Variants in IDH2 observed in about 807,000 individuals in gnomAD.
IDH2 encodes isocitrate dehydrogenase (NADP(+)) 2.
In IDH2, 18 loss-of-function variants were observed where a neutral mutation model predicts 50.5. That is an observed-to-expected ratio of 0.36 (90% CI 0.25 to 0.53). The LOEUF (loss-of-function observed/expected upper bound fraction) is 0.53. Among genes scored for constraint, IDH2 ranks in the 20% least tolerant of loss-of-function variants. The pLI is 0.92. For synonymous variants in IDH2, 280 were observed against 239.8 expected (o/e 1.17, Z -1.55); for missense variants, 518 against 610.7 (o/e 0.85, Z 1.60).
At chr15:90,088,069 G>A (rs569609472) in intron 5 of IDH2, among the ~76,000 whole-genome samples, 4 of 151,940 alleles carry the variant, frequency 2.6e-5, no homozygotes, top group Admixed American at 1.3e-4. Flanking sequence ...AGTACGCCTG[G>A]AGCTGCTCGT....
chr15:90,098,561 T>TGTA lies in IDH2; in HGVS notation c.115+3714_115+3715insTAC, dbSNP rs35007981. ...ATGTATGTATGTATGTATGTATGTA[T>TGTA]TGAGACAGAGTCTCACTCTGTCGCC... is the stretch of plus-strand genomic sequence containing the variant. On this transcript the variant is annotated intron_variant, in intron 1 of 10. Coordinates refer to ENST00000330062, the MANE Select transcript of IDH2 (RefSeq NM_002168.4). This position sits in a 1 kb window ranked among gnomAD's most constrained non-coding sequence, Gnocchi z 5.1. Among the ~76,000 whole-genome samples, 9,330 of 152,046 alleles carry TGTA rather than the reference T, an allele frequency of 0.061. 383 individuals carry two copies. Among genetic ancestry groups the TGTA allele is most frequent in the Non-Finnish European group, 0.083 (5,659 of 67,938 alleles).
chr15:90,096,446 A>C (rs1356791011), intron 1 of IDH2, among the ~76,000 whole-genome samples: 1 of 152,124 alleles, frequency 6.6e-6, no homozygotes, highest in Non-Finnish European at 1.5e-5. Context: ...ATGAGATATC[A>C]CCCCACTATC....
chr15:90,093,605 A>T (rs559415010), intron 1 of IDH2, among the ~76,000 whole-genome samples: 48 of 129,158 alleles, frequency 3.7e-4, no homozygotes, highest in Admixed American at 3.1e-3. Flanking sequence ...TTATTTAATT[A>T]ATTAATTTAT....
In IDH2 at chr15:90,084,398, G is replaced by C. The variant is rs765034363; in HGVS notation, c.1272-45C>G. Reference sequence around the variant, plus strand: ...CACATCAGGGGTGGCTCCAGGCCTTGCCAAGGCCATCAGCCAGGCCCTTCC... The same window carrying C: ...CACATCAGGGGTGGCTCCAGGCCTTCCCAAGGCCATCAGCCAGGCCCTTCC... On this transcript the variant is annotated intron_variant, in intron 10 of 10. Transcript: ENST00000330062. This position sits in a 1 kb window ranked among gnomAD's most constrained non-coding sequence, Gnocchi z 5.0. 34 of 1,556,594 alleles carry C rather than the reference G, an allele frequency of 2.2e-5. No homozygotes were observed. The highest frequency in any genetic ancestry group is 2.9e-5 in the Non-Finnish European group (33 of 1,134,394).
rs1371320213 is a variant in IDH2 at position 90,102,307 on chromosome 15, G to T, written c.84C>A (p.Ala28=). ...RPAWAPAALT[A]PTSQEQPRRH... ...GCCGCGGCTGCTCTTGCGAGGTGGG[G>T]GCTGTCAGGGCCGCCGGCGCCCAGG... The change falls in exon 1 of 11, where the codon GCC becomes GCA. Residue 28 remains alanine, a synonymous_variant. Coordinates refer to ENST00000330062, the MANE Select transcript of IDH2 (RefSeq NM_002168.4). The T allele has an allele frequency of 1.5e-6, 2 of 1,354,948 alleles. No homozygotes were observed. The highest frequency in any genetic ancestry group is 1.9e-6 in the Non-Finnish European group (2 of 1,042,766). 83.9% of individuals were successfully genotyped at this position (1,354,948 alleles called of 1,614,324 possible). A position where few individuals can be genotyped will look rare whatever the true frequency, so the allele number is the denominator to read the frequency against.
At chr15:90,089,584 C>T (rs1334448909) in intron 3 of IDH2, among the ~76,000 whole-genome samples, 2 of 152,214 alleles carry the variant, frequency 1.3e-5, no homozygotes, top group Non-Finnish European at 1.5e-5. Context: ...GAGCTCAACA[C>T]TCAAATGATC....
rs966296944 is a variant in IDH2 at position 90,100,104 on chromosome 15, T to G, written c.115+2172A>C. On this transcript the variant is annotated intron_variant, in intron 1 of 10. Coordinates refer to ENST00000330062, the MANE Select transcript of IDH2 (RefSeq NM_002168.4). This position sits in a 1 kb window ranked among gnomAD's most constrained non-coding sequence, Gnocchi z 4.1. ...GTTCTTACCAGCAGCCTGCACCAGATGTACACGGGTGGCATCTCTCTCCAG... is the reference window on the plus strand; with the variant it reads ...GTTCTTACCAGCAGCCTGCACCAGAGGTACACGGGTGGCATCTCTCTCCAG... Among the ~76,000 whole-genome samples the G allele has an allele frequency of 1.3e-5, 2 of 152,170 alleles. No individual in the cohort carries two copies. Among genetic ancestry groups the G allele is most frequent in the East Asian group, 3.8e-4 (2 of 5,204 alleles).
chr15:90,088,687 C>A lies in IDH2; in HGVS notation c.434G>T (p.Gly145Val), dbSNP rs1567254879. 1.9e-6 allele frequency: 3 copies of A among 1,613,974 alleles called. No individual in the cohort carries two copies. The highest frequency in any genetic ancestry group is 2.5e-6 in the Non-Finnish European group (3 of 1,179,986). Residue 145 changes from glycine to valine, a missense_variant, in exon 4 of 11, where the codon GGG becomes GTG. By Grantham distance (109) the Gly-to-Val change is moderately radical. Around this residue, in one of 5 missense-constraint regions of IDH2, gnomAD observed 207 missense variants for 208.6 expected, o/e 0.99. Transcript: ENST00000330062. ...GATGATGGGCTCCCGGAAGACAGTC[C>A]CCCCCAGGATGTTCCGGATAGTTCC... ...PNGTIRNILG[G>V]TVFREPIICK...
In IDH2 at chr15:90,092,550, C is replaced by T. The variant is rs139288539; in HGVS notation, c.116-906G>A. 4.0e-3 allele frequency among the ~76,000 whole-genome samples: 611 copies of T among 151,852 alleles called. 5 individuals are homozygous for T. The highest frequency in any genetic ancestry group is 0.014 in the African/African-American group (578 of 41,326). On this transcript the variant is annotated intron_variant, in intron 1 of 10. Coordinates refer to ENST00000330062, the MANE Select transcript of IDH2 (RefSeq NM_002168.4). ...CCTCCCAAGTAGCTGGGACTACAGG[C>T]GCATGCCACCACACCCAGCTATTTT... is the stretch of plus-strand genomic sequence containing the variant.
rs990532894 is a variant in IDH2 at position 90,102,464 on chromosome 15, G to T, written c.-74C>A. 14 of 858,690 alleles carry T rather than the reference G, an allele frequency of 1.6e-5. No homozygotes were observed. Among genetic ancestry groups the T allele is most frequent in the Non-Finnish European group, 2.0e-5 (13 of 659,366 alleles). 53.2% of individuals were successfully genotyped at this position (858,690 alleles called of 1,614,324 possible). ...CCGCTCCTCCCGGCTGCCTGGCCGC[G>T]GGCTAACGCTGGGCCTGGCGGGCGC... On this transcript the variant is annotated 5_prime_UTR_variant, in exon 1 of 11. Transcript: ENST00000330062.
chr15:90,084,459 T>C lies in IDH2; in HGVS notation c.1272-106A>G, dbSNP rs1900804741. On this transcript the variant is annotated intron_variant, in intron 10 of 10. Transcript: ENST00000330062. This position sits in a 1 kb window ranked among gnomAD's most constrained non-coding sequence, Gnocchi z 5.0. Reference sequence around the variant, plus strand: ...CTGAGCTTGGGCATCAGAACAGCCATCTCCTGCCACCCAGACTACAGGCCA... The same window carrying C: ...CTGAGCTTGGGCATCAGAACAGCCACCTCCTGCCACCCAGACTACAGGCCA... The C allele has an allele frequency of 2.0e-6, 2 of 1,011,720 alleles. No homozygotes were observed. The highest frequency in any genetic ancestry group is 3.0e-6 in the Non-Finnish European group (2 of 662,368). 62.7% of individuals were successfully genotyped at this position (1,011,720 alleles called of 1,614,324 possible). A position where few individuals can be genotyped will look rare whatever the true frequency, so the allele number is the denominator to read the frequency against.
chr15:90,091,244 C>G (rs1200873425), intron 2 of IDH2, among the ~76,000 whole-genome samples: 1 of 152,188 alleles, frequency 6.6e-6, no homozygotes, highest in African/African-American at 2.4e-5. Flanking sequence ...AGAAGTGAGG[C>G]AAAACGTAGG....
rs1412045166 is a variant in IDH2, at chr15:90,088,424, T to C, written c.613A>G (p.Lys205Glu). 4.3e-6 allele frequency: 7 copies of C among 1,614,102 alleles called. No homozygotes were observed. Among genetic ancestry groups the C allele is most frequent in the Non-Finnish European group, 5.9e-6 (7 of 1,180,056 alleles). Reference protein sequence around the residue: ...VFTPKDGSGVKEWEVYNFPAG... With the variant: ...VFTPKDGSGVEEWEVYNFPAG... ...GGGAAGTTGTACACTTCCCACTCCT[T>C]GACACCACTGCCATCTTTTGGGGTG... The change falls in exon 5 of 11, where the codon AAG (lysine) becomes GAG (glutamate). Residue 205 changes from lysine (K) to glutamate (E), a missense_variant. This residue lies in a region of IDH2 where 207 missense variants were observed against 208.6 expected (regional missense o/e 0.99). Coordinates refer to ENST00000330062, the MANE Select transcript of IDH2 (RefSeq NM_002168.4).
Position 90,084,122 on chromosome 15 carries a change from C to T in IDH2, c.*144G>A, listed in dbSNP as rs114227266. 8.2e-4 allele frequency: 552 copies of T among 671,986 alleles called. 3 individuals carry two copies. In the African/African-American group the frequency reaches 8.8e-3, roughly 11 times the overall value. 41.6% of individuals were successfully genotyped at this position (671,986 alleles called of 1,614,324 possible). A position where few individuals can be genotyped will look rare whatever the true frequency, so the allele number is the denominator to read the frequency against. On this transcript the variant is annotated 3_prime_UTR_variant, in exon 11 of 11. Transcript: ENST00000330062. The surrounding 1 kb of genome is among the most constrained non-coding windows in gnomAD (Gnocchi z 5.0). ...CACCATGAGGGGAAACACACATATG[C>T]TTTTAAAAACATCTGGCTTATAAAA...
At position 90,085,000 on chromosome 15, in the gene IDH2, C is replaced by T. The variant is rs1314825460; in HGVS notation, c.1178+1G>A. On this transcript the variant is annotated splice_donor_variant, in intron 9 of 10. Coordinates refer to ENST00000330062, the MANE Select transcript of IDH2 (RefSeq NM_002168.4). LOFTEE classifies it high-confidence loss of function. The surrounding 1 kb of genome is among the most constrained non-coding windows in gnomAD (Gnocchi z 5.0). ...GCTCCGGCCTCTCCCTCCATGCTCA[C>T]CTGATGAGGTCTTGGTTCCCATCCA... The T allele has an allele frequency of 6.2e-7, 1 of 1,613,862 alleles. No homozygotes were observed. The highest frequency in any genetic ancestry group is 1.1e-5 in the South Asian group (1 of 91,084).
chr15:90,098,161 A>C lies in IDH2; in HGVS notation c.115+4115T>G, dbSNP rs894342117. Among the ~76,000 whole-genome samples the C allele has an allele frequency of 1.3e-5, 2 of 152,220 alleles. No individual in the cohort carries two copies. The highest frequency in any genetic ancestry group is 4.8e-5 in the African/African-American group (2 of 41,444). On this transcript the variant is annotated intron_variant, in intron 1 of 10. Coordinates refer to ENST00000330062, the MANE Select transcript of IDH2 (RefSeq NM_002168.4). The surrounding 1 kb of genome is among the most constrained non-coding windows in gnomAD (Gnocchi z 5.1). ...GACAGCCACCACGAATCTTCAGCTG[A>C]TGCATTGCACAAACACTGTCCTCTT...
chr15:90,090,085 TTCC>T (rs61447158), intron 3 of IDH2, among the ~76,000 whole-genome samples: 111,596 of 151,358 alleles, frequency 0.74, 41,886 homozygotes, highest in African/African-American at 0.83. Flanking sequence ...CAGCATTACC[TTCC>T]TCCTCCTCCT....
At chr15:90,090,773 T>C in intron 2 of IDH2, 129 bp from the exon 3 acceptor site, 1 of 954,832 alleles carries the variant, frequency 1.0e-6, no homozygotes, top group Non-Finnish European at 1.7e-6. Flanking sequence ...TGAAGGCCAG[T>C]GGAGGGGCGC....
At chr15:90,091,457 G>T in intron 2 of IDH2, 96 bp downstream of exon 2, 1 of 903,316 alleles carries the variant, frequency 1.1e-6, no homozygotes. Flanking sequence ...GACAACGGGG[G>T]GGTCCTAGGG....
Sources: gnomAD v4.1 joint callset for allele counts (sites outside exome capture counted in the v4.1 genomes callset) on GRCh38, gnomAD v4.1.1 for gene constraint, gnomAD v4.1.1 regional missense constraint, Gnocchi (gnomAD v3.1) non-coding constraint, MANE v1.5 for transcripts, NCBI Gene and HGNC (gene_info 2026-07-23, HGNC 2026-07-21) for gene names.